The following ZNF345 variants were observed in gnomAD, a reference collection of about 807,000 sequenced individuals.
The protein encoded by ZNF345 is zinc finger protein HZF10.
For synonymous variants in ZNF345, 166 were observed against 187.9 expected (o/e 0.88, Z 0.95); for missense variants, 527 against 589.9 (o/e 0.89, Z 1.10).
chr19:36,856,622 G>A lies in ZNF345; in HGVS notation c.-47+4718G>A, dbSNP rs759056672. 4.6e-5 allele frequency among the ~76,000 whole-genome samples: 7 copies of A among 152,100 alleles called. 1 individual carries two copies. Among genetic ancestry groups the A allele is most frequent in the Non-Finnish European group, 7.4e-5 (5 of 68,010 alleles). On this transcript the variant is annotated intron_variant, in intron 2 of 2. Transcript: ENST00000420450. ...TGTAATACTAGCACATTGGGAGGCC[G>A]AGGCAGGCGCATCACCTGAGGTCAG... is the stretch of plus-strand genomic sequence containing the variant.
intron 2 of ZNF345, among the ~76,000 whole-genome samples, chr19:36,854,235 G>GTTTTTTTTTTTTT (rs34215056): frequency 1.4e-5 from 2 of 138,696 alleles, no homozygotes; most frequent in Non-Finnish European, 3.2e-5. Flanking sequence ...CCTGGGTTTT[G>GTTTTTTTTTTTTT]TTTTTTTTTT....
intron 2 of ZNF345, among the ~76,000 whole-genome samples, chr19:36,871,116 G>C (rs1272154228): frequency 6.6e-6 from 1 of 152,212 alleles, no homozygotes; most frequent in Non-Finnish European, 1.5e-5. Flanking sequence ...TCAGTGTCTG[G>C]TAAGGACCTG....
At chr19:36,862,410 C>T (rs1315171619) in intron 2 of ZNF345, among the ~76,000 whole-genome samples, 1 of 151,666 alleles carries the variant, frequency 6.6e-6, no homozygotes, top group Admixed American at 6.6e-5. Context: ...CACCTGTAAT[C>T]CCAGCACTTT....
intron 3 of ZNF345, chr19:36,889,491 G>T (rs2073030118): frequency 6.6e-6 from 1 of 151,990 alleles, no homozygotes; most frequent in Non-Finnish European, 1.5e-5. Context: ...GTCTGTTGAG[G>T]ATTCCTATTT....
chr19:36,858,533 G>T (rs912388737), intron 2 of ZNF345, among the ~76,000 whole-genome samples: 1 of 152,146 alleles, frequency 6.6e-6, no homozygotes, highest in Admixed American at 6.5e-5. Context: ...TAGGAGGAAG[G>T]CGGGCGGCGG....
chr19:36,866,781 C>T (rs992955196), intron 2 of ZNF345, among the ~76,000 whole-genome samples: 2 of 152,172 alleles, frequency 1.3e-5, no homozygotes, highest in African/African-American at 4.8e-5. Context: ...AAACTCCTGA[C>T]CTCAAGCGAT....
chr19:36,877,061 T>C lies in ZNF345; in HGVS notation c.231T>C (p.Leu77=), dbSNP rs369333747. 6 of 1,614,142 alleles carry C rather than the reference T, an allele frequency of 3.7e-6. No individual in the cohort carries two copies. Among genetic ancestry groups the C allele is most frequent in the Middle Eastern group, 1.6e-4 (1 of 6,062 alleles). Residue 77 remains leucine (L), a synonymous_variant, in exon 3 of 3, where the codon CTT becomes CTC. Transcript: ENST00000420450. ...CGKDFSFVSV[L]VRHQRIHTGE... ...AGGATTTTAGTTTTGTATCAGTCCTTGTTCGACATCAGCGAATTCATACTG... is the reference window on the plus strand; with the variant it reads ...AGGATTTTAGTTTTGTATCAGTCCTCGTTCGACATCAGCGAATTCATACTG...
intron 2 of ZNF345, among the ~76,000 whole-genome samples, chr19:36,861,537 T>C (rs2072546559): frequency 1.3e-5 from 2 of 152,160 alleles, no homozygotes; most frequent in African/African-American, 2.4e-5. Context: ...TATTTGCTTA[T>C]AGTTCTCTTT....
At chr19:36,856,683 C>T (rs925736418) in intron 2 of ZNF345, among the ~76,000 whole-genome samples, 1 of 152,094 alleles carries the variant, frequency 6.6e-6, no homozygotes, top group Non-Finnish European at 1.5e-5. Flanking sequence ...CGGTGAAACC[C>T]CATTTCTATT....
At chr19:36,863,507 C>T (rs773497083) in intron 2 of ZNF345, among the ~76,000 whole-genome samples, 2 of 152,146 alleles carry the variant, frequency 1.3e-5, no homozygotes. Flanking sequence ...TCCGTATGTC[C>T]CAACTCCAAA....
At chr19:36,879,853 A>G (rs1376345490), downstream of ZNF345, among the ~76,000 whole-genome samples, 1 of 152,206 alleles carries the variant, frequency 6.6e-6, no homozygotes, top group African/African-American at 2.4e-5. Context: ...TGCCTATCAC[A>G]TAATAAATGC....
At chr19:36,859,343 A>G (rs2072494877) in intron 2 of ZNF345, among the ~76,000 whole-genome samples, 1 of 151,844 alleles carries the variant, frequency 6.6e-6, no homozygotes. Flanking sequence ...TTTAGTAGAG[A>G]TGGGGTTTTG....
intron 2 of ZNF345, among the ~76,000 whole-genome samples, chr19:36,859,781 T>C (rs1353461733): frequency 1.3e-5 from 2 of 152,188 alleles, no homozygotes; most frequent in Non-Finnish European, 2.9e-5. Flanking sequence ...AAAGTATTCC[T>C]GTGTACCACT....
At chr19:36,855,711 C>T (rs891528429) in intron 2 of ZNF345, among the ~76,000 whole-genome samples, 2 of 151,706 alleles carry the variant, frequency 1.3e-5, no homozygotes, top group Non-Finnish European at 2.9e-5. Flanking sequence ...CTCGGCCTCA[C>T]AAAGTGTTGG....
rs1568362760 is a variant in ZNF345 at position 36,879,459 on chromosome 19, T to G, written c.*1162T>G. The G allele has an allele frequency of 6.0e-6, 1 of 167,062 alleles. No individual in the cohort carries two copies. Among genetic ancestry groups the G allele is most frequent in the Non-Finnish European group, 1.5e-5 (1 of 68,116 alleles). 10.3% of individuals were successfully genotyped at this position (167,062 alleles called of 1,614,324 possible). A position where few individuals can be genotyped will look rare whatever the true frequency, so the allele number is the denominator to read the frequency against. On this transcript the variant is annotated 3_prime_UTR_variant, in exon 3 of 3. Coordinates refer to ENST00000420450, the MANE Select transcript of ZNF345 (RefSeq NM_001242472.2). ...ATTATGCTATACTATAACCAGCCCT[T>G]AATATTTTTTGTCTGTAAATATGTT...
chr19:36,859,910 TAC>T (rs1003362638), intron 2 of ZNF345, among the ~76,000 whole-genome samples: 21 of 151,260 alleles, frequency 1.4e-4, no homozygotes, highest in African/African-American at 4.9e-4. Flanking sequence ...AGACACACCC[TAC>T]ACACATTTTA....
At chr19:36,871,099 G>C in intron 2 of ZNF345, among the ~76,000 whole-genome samples, 1 of 152,184 alleles carries the variant, frequency 6.6e-6, no homozygotes, top group East Asian at 1.9e-4. Flanking sequence ...TCAAGATGTT[G>C]GCAGATTCAG....
intron 2 of ZNF345, among the ~76,000 whole-genome samples, chr19:36,864,684 T>A (rs2072622319): frequency 6.6e-6 from 1 of 152,032 alleles, no homozygotes; most frequent in African/African-American, 2.4e-5. Context: ...GGGACTAAGA[T>A]GAGGCAAGTG....
chr19:36,861,382 TCTTC>T (rs1191341867), intron 2 of ZNF345, among the ~76,000 whole-genome samples: 2 of 152,332 alleles, frequency 1.3e-5, no homozygotes, highest in East Asian at 3.9e-4. Flanking sequence ...CATATTTATA[TCTTC>T]CTTCTGTAGT....
Sources: allele counts gnomAD v4.1 joint callset (sites outside exome capture counted in the v4.1 genomes callset), GRCh38; gene constraint gnomAD v4.1.1; transcripts MANE v1.5; gene names NCBI Gene and HGNC (gene_info 2026-07-23, HGNC 2026-07-21).